The following PSPC1 variants were observed in gnomAD, a reference collection of about 807,000 sequenced individuals.
PSPC1 encodes paraspeckle component 1, also known as paraspeckle protein 1.
Under a neutral mutation model 51.6 loss-of-function variants are expected in PSPC1, and 14 were observed. That is an observed-to-expected ratio of 0.27 (90% CI 0.18 to 0.42). PSPC1 has a LOEUF of 0.42. Ranked by LOEUF, PSPC1 falls within the 10% of genes least tolerant of loss-of-function variation. The pLI is 1.00. For synonymous variants in PSPC1, 193 were observed against 231.9 expected (o/e 0.83, Z 1.53); for missense variants, 406 against 701.1 (o/e 0.58, Z 4.75).
At chr13:19,734,472 A>G (rs956494663) in intron 5 of PSPC1, among the ~76,000 whole-genome samples, 1 of 152,134 alleles carries the variant, frequency 6.6e-6, no homozygotes. Flanking sequence ...CCAAGACAGA[A>G]GAAGGGCTTT....
At chr13:19,732,295 T>C (rs893576143) in intron 5 of PSPC1, among the ~76,000 whole-genome samples, 3 of 152,338 alleles carry the variant, frequency 2.0e-5, no homozygotes, top group Admixed American at 1.3e-4. Context: ...TCATATATTT[T>C]ACTGTGAAGA....
chr13:19,741,435 G>A, intron 5 of PSPC1, 130 bp downstream of exon 5: 2 of 618,422 alleles, frequency 3.2e-6, no homozygotes, highest in African/African-American at 3.7e-5. Flanking sequence ...GTAATTCACT[G>A]TATGTGGTTA....
chr13:19,695,034 G>A (rs1343319047), intron 6 of PSPC1, among the ~76,000 whole-genome samples: 2 of 152,192 alleles, frequency 1.3e-5, no homozygotes, highest in African/African-American at 4.8e-5. Flanking sequence ...ATAGCAAACT[G>A]TAGGAAGTCA....
At chr13:19,681,035 T>C (rs1472278435) in intron 6 of PSPC1, among the ~76,000 whole-genome samples, 10 of 152,052 alleles carry the variant, frequency 6.6e-5, no homozygotes, top group Non-Finnish European at 8.8e-5. Context: ...GTGGGCAACA[T>C]AGCAAGATGA....
intron 2 of PSPC1, among the ~76,000 whole-genome samples, chr13:19,762,055 A>C (rs1887646136): frequency 6.6e-6 from 1 of 152,234 alleles, no homozygotes; most frequent in South Asian, 2.1e-4. Context: ...CTGTACTCTC[A>C]AATATGTTAG....
Position 19,730,223 on chromosome 13 carries a change from CTAG to C in PSPC1, c.1158+13_1158+15del. ...GAAAATATAAAATCATTTTAGTTAA[CTAG>C]TAGTTTACTTACATTTTCCATGTAG... On this transcript the variant is annotated intron_variant, in intron 6 of 8. Coordinates refer to ENST00000338910, the MANE Select transcript of PSPC1 (RefSeq NM_001354909.2). 6.3e-7 allele frequency: 1 copy of C among 1,597,462 alleles called. No homozygotes were observed. Among genetic ancestry groups the C allele is most frequent in the Non-Finnish European group, 8.6e-7 (1 of 1,165,566 alleles).
intron 6 of PSPC1, among the ~76,000 whole-genome samples, chr13:19,721,545 C>A (rs1405985225): frequency 1.3e-5 from 2 of 152,282 alleles, no homozygotes; most frequent in African/African-American, 4.8e-5. Context: ...TATACACACA[C>A]AAAAGTACCA....
intron 4 of PSPC1, among the ~76,000 whole-genome samples, chr13:19,747,704 T>A (rs1040939474): frequency 6.6e-6 from 1 of 151,986 alleles, no homozygotes. Context: ...CATATGCAAA[T>A]TTTTTTTCAT....
chr13:19,709,750 T>C, intron 6 of PSPC1, 151 bp from the exon 7 acceptor site: 5 of 649,794 alleles, frequency 7.7e-6, no homozygotes, highest in Non-Finnish European at 1.3e-5. Flanking sequence ...ATAAGAATGC[T>C]GAAAAGAAAC....
At chr13:19,692,007 G>A (rs1218634354) in intron 6 of PSPC1, among the ~76,000 whole-genome samples, 1 of 152,190 alleles carries the variant, frequency 6.6e-6, no homozygotes, top group Non-Finnish European at 1.5e-5. Context: ...GGTAGATGAG[G>A]TTGGAAAGGC....
At chr13:19,736,976 G>C (rs1300523604) in intron 5 of PSPC1, 1 of 152,022 alleles carries the variant, frequency 6.6e-6, no homozygotes, top group Non-Finnish European at 1.5e-5. Context: ...TTTGTTTTAA[G>C]AGACAGGGTC....
At chr13:19,671,359 G>A, downstream of PSPC1, 3 of 1,422,570 alleles carry the variant, frequency 2.1e-6, no homozygotes, top group South Asian at 1.2e-5. Context: ...ATCAACATTA[G>A]AAAAAAAATT....
intron 6 of PSPC1, among the ~76,000 whole-genome samples, chr13:19,697,037 G>A (rs1241525695): frequency 2.0e-5 from 3 of 152,158 alleles, no homozygotes; most frequent in Non-Finnish European, 2.9e-5. Context: ...ATGTCTGAGG[G>A]TGTTTTGATT....
chr13:19,674,768 G>GTT (rs2137555911), exon 8 of PSPC1: 1 of 152,290 alleles, frequency 6.6e-6, no homozygotes, highest in African/African-American at 2.4e-5. Flanking sequence ...AGTTCGAAAT[G>GTT]TTTAATATTT....
chr13:19,730,377 A>G lies in PSPC1; in HGVS notation c.1053-33T>C, dbSNP rs546564423. 6 of 1,579,436 alleles carry G rather than the reference A, an allele frequency of 3.8e-6. No homozygotes were observed. In the African/African-American group the frequency reaches 5.4e-5, roughly 14 times the overall value. On this transcript the variant is annotated intron_variant, in intron 5 of 8. Coordinates refer to ENST00000338910, the MANE Select transcript of PSPC1 (RefSeq NM_001354909.2). ...TTTTTCAAATAAAAATTTCAGCATC[A>G]TAACATGTGGGCTGCCATTGGACAT...
chr13:19,750,459 A>AAAAAT (rs140176751), intron 4 of PSPC1, among the ~76,000 whole-genome samples: 2 of 148,436 alleles, frequency 1.3e-5, no homozygotes, highest in Non-Finnish European at 3.0e-5. Flanking sequence ...AACAAACAAA[A>AAAAAT]ATATATATAT....
intron 1 of PSPC1, among the ~76,000 whole-genome samples, chr13:19,777,118 TA>T (rs34432573): frequency 3.2e-4 from 28 of 87,382 alleles, no homozygotes; most frequent in Admixed American, 1.5e-3. Flanking sequence ...AGGCTCCATC[TA>T]AAAAAAAAAA....
At chr13:19,678,415 T>C (rs1479840142) in intron 6 of PSPC1, 2 of 152,340 alleles carry the variant, frequency 1.3e-5, no homozygotes, top group Non-Finnish European at 2.9e-5. Flanking sequence ...GTTATCCTTA[T>C]ATATGTTTTA....
intron 3 of PSPC1, among the ~76,000 whole-genome samples, chr13:19,758,142 G>A (rs1458635810): frequency 2.6e-5 from 4 of 151,876 alleles, no homozygotes; most frequent in Non-Finnish European, 4.4e-5. Context: ...GTGAAACCCC[G>A]TCTCTACTAA....
Sources: gnomAD v4.1 joint callset for allele counts (sites outside exome capture counted in the v4.1 genomes callset) on GRCh38, gnomAD v4.1.1 for gene constraint, MANE v1.5 for transcripts, NCBI Gene and HGNC (gene_info 2026-07-23, HGNC 2026-07-21) for gene names.